MARCHF8: variants seen among roughly 807,000 people sequenced by gnomAD.
MARCHF8 encodes membrane associated ring-CH-type finger 8, also known as E3 ubiquitin-protein ligase MARCHF8.
MARCHF8 carries 40 observed loss-of-function variants against 51.6 expected under a neutral mutation model. The observed-to-expected ratio is 0.77, with a 90% CI of 0.60 to 1.01. The LOEUF (loss-of-function observed/expected upper bound fraction) is 1.01, where lower values mean the gene tolerates loss of function less well. Among genes scored for constraint, MARCHF8 ranks in the 50% least tolerant of loss-of-function variants. MARCHF8 has a pLI of 0.00. For missense variants in MARCHF8, 685 were observed against 708.6 expected (o/e 0.97, Z 0.38); for synonymous variants, 263 against 280.3 (o/e 0.94, Z 0.62).
chr10:45,537,332 C>T (rs1233880035), upstream of MARCHF8, among the ~76,000 whole-genome samples: 1 of 152,130 alleles, frequency 6.6e-6, no homozygotes, highest in Non-Finnish European at 1.5e-5. Flanking sequence ...CTGACACATG[C>T]CACAATATGG....
At chr10:45,559,546 G>A (rs755264052) in intron 1 of MARCHF8, among the ~76,000 whole-genome samples, 10 of 152,202 alleles carry the variant, frequency 6.6e-5, no homozygotes, top group Non-Finnish European at 7.4e-5. Flanking sequence ...TAGTAGAGAC[G>A]GGATTTCATT....
intron 2 of MARCHF8, among the ~76,000 whole-genome samples, chr10:45,500,014 T>C (rs142756305): frequency 1.3e-5 from 2 of 152,298 alleles, no homozygotes; most frequent in East Asian, 1.9e-4. Flanking sequence ...AATATACAGA[T>C]TGATTTGGGC....
intron 3 of MARCHF8, among the ~76,000 whole-genome samples, chr10:45,469,989 A>G (rs887333004): frequency 1.5e-4 from 23 of 152,126 alleles, no homozygotes; most frequent in African/African-American, 5.5e-4. Flanking sequence ...AAAAAAATAA[A>G]AGAAGAAGAT....
rs1209748220 is a variant in MARCHF8 at position 45,463,131 on chromosome 10, G to A, written c.1088+20C>T. The A allele has an allele frequency of 1.3e-6, 2 of 1,539,896 alleles. No homozygotes were observed. ...GATGCGAGCAGAGATGGCTAGAATGGCACTTCCTGGCAAACCAACCTGCAG... is the reference window on the plus strand; with the variant it reads ...GATGCGAGCAGAGATGGCTAGAATGACACTTCCTGGCAAACCAACCTGCAG... On this transcript the variant is annotated intron_variant, in intron 5 of 7. Transcript: ENST00000453424.
chr10:45,556,346 A>G lies in MARCHF8; in HGVS notation c.-78-23057T>C, dbSNP rs2044251222. On this transcript the variant is annotated intron_variant, in intron 1 of 6. Transcript: ENST00000319836. ...GGTATTGTGTGATTCATTCTAAGAA[A>G]AACAGCCCTTATCTTTCAGTGAAAG... is the stretch of plus-strand genomic sequence containing the variant. Among the ~76,000 whole-genome samples the G allele has an allele frequency of 2.0e-5, 3 of 152,346 alleles. No homozygotes were observed. In the South Asian group the frequency reaches 6.2e-4, roughly 32 times the overall value.
intron 3 of MARCHF8, among the ~76,000 whole-genome samples, chr10:45,478,458 A>T (rs2042824815): frequency 6.6e-6 from 1 of 152,188 alleles, no homozygotes; most frequent in Non-Finnish European, 1.5e-5. Flanking sequence ...TCAAACAAAC[A>T]ATCGAAGGAT....
At chr10:45,476,480 A>C (rs1334940684) in intron 3 of MARCHF8, among the ~76,000 whole-genome samples, 1 of 152,200 alleles carries the variant, frequency 6.6e-6, no homozygotes, top group Non-Finnish European at 1.5e-5. Context: ...AGGTGGGAGA[A>C]TTGCTTGAGC....
intron 1 of MARCHF8, among the ~76,000 whole-genome samples, chr10:45,542,717 T>C (rs188660815): frequency 3.4e-4 from 52 of 152,316 alleles, no homozygotes; most frequent in Non-Finnish European, 6.5e-4. Flanking sequence ...ATTACTTTTA[T>C]TTTTTAGATT....
intron 2 of MARCHF8, among the ~76,000 whole-genome samples, chr10:45,530,931 G>C (rs948083922): frequency 2.0e-5 from 3 of 152,032 alleles, no homozygotes; most frequent in African/African-American, 7.2e-5. Flanking sequence ...GTTGCATAGA[G>C]ACATGGAAGA....
chr10:45,460,876 C>G (rs765638272), intron 6 of MARCHF8, among the ~76,000 whole-genome samples: 4 of 152,176 alleles, frequency 2.6e-5, no homozygotes, highest in Non-Finnish European at 4.4e-5. Flanking sequence ...TAATCTCCAA[C>G]AGACAGTCCT....
chr10:45,492,246 T>A (rs1180735260), intron 2 of MARCHF8, among the ~76,000 whole-genome samples: 1 of 152,218 alleles, frequency 6.6e-6, no homozygotes, highest in East Asian at 1.9e-4. Flanking sequence ...CCAGATCATC[T>A]TTTATTTTCC....
At chr10:45,489,833 C>T (rs563132059) in intron 2 of MARCHF8, among the ~76,000 whole-genome samples, 11 of 152,218 alleles carry the variant, frequency 7.2e-5, no homozygotes, top group Middle Eastern at 3.4e-3. Flanking sequence ...TGAGGAGTCA[C>T]GGCGAAAGAG....
At chr10:45,478,462 G>A (rs1287699260) in intron 3 of MARCHF8, among the ~76,000 whole-genome samples, 6 of 151,128 alleles carry the variant, frequency 4.0e-5, no homozygotes, top group East Asian at 1.9e-4. Flanking sequence ...ACAAACAATC[G>A]AAGGATGCAC....
chr10:45,515,257 G>A (rs1315879956), intron 2 of MARCHF8, among the ~76,000 whole-genome samples: 1 of 152,152 alleles, frequency 6.6e-6, no homozygotes, highest in Non-Finnish European at 1.5e-5. Flanking sequence ...CATCTCAACT[G>A]CACCTGTAGG....
chr10:45,589,422 C>T (rs2044653769), intron 1 of MARCHF8, among the ~76,000 whole-genome samples: 1 of 152,164 alleles, frequency 6.6e-6, no homozygotes, highest in Non-Finnish European at 1.5e-5. Flanking sequence ...TCCTTCTTTC[C>T]ACTAATAGCT....
rs2042777389 is a variant in MARCHF8, at chr10:45,475,840, C to T, written c.154-11513G>A. On this transcript the variant is annotated intron_variant, in intron 3 of 7. Coordinates refer to ENST00000453424, the MANE Select transcript of MARCHF8 (RefSeq NM_001282866.2). ...TGAGGCCCAAGGGCAGGCATACTCACCCCACTACTGCCACCACTGGGACCA... is the reference window on the plus strand; with the variant it reads ...TGAGGCCCAAGGGCAGGCATACTCATCCCACTACTGCCACCACTGGGACCA... Among the ~76,000 whole-genome samples, 3 of 152,174 alleles carry T rather than the reference C, an allele frequency of 2.0e-5. No homozygotes were observed. The South Asian group carries it at 6.2e-4, about 32-fold the overall frequency.
At chr10:45,477,539 A>G (rs2042809022) in intron 3 of MARCHF8, among the ~76,000 whole-genome samples, 1 of 152,246 alleles carries the variant, frequency 6.6e-6, no homozygotes, top group Admixed American at 6.5e-5. Flanking sequence ...ATTATTTAAT[A>G]AAGTGACAGG....
intron 3 of MARCHF8, among the ~76,000 whole-genome samples, chr10:45,472,943 T>G (rs943976431): frequency 9.9e-5 from 15 of 152,222 alleles, no homozygotes; most frequent in African/African-American, 3.1e-4. Context: ...GGACAGCTGT[T>G]TTCTTCAGAA....
intron 3 of MARCHF8, among the ~76,000 whole-genome samples, chr10:45,472,400 TGG>T (rs1471274897): frequency 6.6e-6 from 1 of 152,234 alleles, no homozygotes; most frequent in East Asian, 1.9e-4. Context: ...AGCTACCCTC[TGG>T]GGAGACTGTG....
Sources: allele counts gnomAD v4.1 joint callset (sites outside exome capture counted in the v4.1 genomes callset), GRCh38; gene constraint gnomAD v4.1.1; transcripts MANE v1.5; gene names NCBI Gene and HGNC (gene_info 2026-07-23, HGNC 2026-07-21).